Variants in ZFHX3 observed in about 807,000 individuals in gnomAD.
ZFHX3 encodes the protein zinc finger homeobox 3.
In ZFHX3, 42 loss-of-function variants were observed where a neutral mutation model predicts 279.1. The observed-to-expected ratio is 0.15, with a 90% confidence interval of 0.12 to 0.19. ZFHX3 has a LOEUF of 0.19. Ranked by LOEUF, ZFHX3 falls within the 10% of genes least tolerant of loss-of-function variation. The pLI, the probability that ZFHX3 is intolerant of heterozygous loss-of-function variation, is 1.00. For synonymous variants in ZFHX3, 2,293 were observed against 1,957.8 expected (o/e 1.17, Z -4.52); for missense variants, 4,981 against 4,754.0 (o/e 1.05, Z -1.40).
chr16:73,262,988 A>G (rs1285149003), intron 4 of ZFHX3, among the ~76,000 whole-genome samples: 1 of 152,126 alleles, frequency 6.6e-6, no homozygotes, highest in Non-Finnish European at 1.5e-5. Context: ...CAGGCTACAG[A>G]AACCCACCGA....
intron 2 of ZFHX3, among the ~76,000 whole-genome samples, chr16:73,602,397 G>A (rs1325599304): frequency 3.9e-5 from 6 of 152,128 alleles, no homozygotes; most frequent in Non-Finnish European, 5.9e-5. Context: ...GTAGGTGCAA[G>A]GAAGCAACGT....
At chr16:73,573,634 TATG>T (rs2051764778) in intron 2 of ZFHX3, among the ~76,000 whole-genome samples, 1 of 152,230 alleles carries the variant, frequency 6.6e-6, no homozygotes, top group African/African-American at 2.4e-5. Context: ...AGGTTAACTT[TATG>T]ATGATGATTT....
intron 3 of ZFHX3, among the ~76,000 whole-genome samples, chr16:72,917,529 C>T (rs866633722): frequency 6.6e-6 from 1 of 152,192 alleles, no homozygotes; most frequent in African/African-American, 2.4e-5. Flanking sequence ...AATTGCAGCA[C>T]CTTCATACCA....
intron 3 of ZFHX3, among the ~76,000 whole-genome samples, chr16:73,376,463 A>C (rs544827009): frequency 6.6e-6 from 1 of 152,326 alleles, no homozygotes; most frequent in South Asian, 2.1e-4. Flanking sequence ...CTACTTGCTG[A>C]ACTTTAATTC....
At chr16:73,284,946 T>G (rs909229156) in intron 4 of ZFHX3, among the ~76,000 whole-genome samples, 2 of 152,152 alleles carry the variant, frequency 1.3e-5, no homozygotes, top group African/African-American at 4.8e-5. Context: ...GCTCAATGGA[T>G]CCTCCTGTCT....
intron 3 of ZFHX3, among the ~76,000 whole-genome samples, chr16:73,338,253 G>T (rs116821062): frequency 1.3e-5 from 2 of 151,970 alleles, no homozygotes; most frequent in Non-Finnish European, 2.9e-5. Context: ...AGCCCCTAAG[G>T]AGTCTTGTCA....
At chr16:73,042,399 G>A (rs972036099) in intron 1 of ZFHX3, among the ~76,000 whole-genome samples, 3 of 152,142 alleles carry the variant, frequency 2.0e-5, no homozygotes, top group African/African-American at 7.2e-5. Context: ...CAGCCTAACC[G>A]ATACACTCAG....
At chr16:72,915,197 C>T (rs1284844374) in intron 3 of ZFHX3, among the ~76,000 whole-genome samples, 1 of 152,188 alleles carries the variant, frequency 6.6e-6, no homozygotes, top group Non-Finnish European at 1.5e-5. Flanking sequence ...TATTTCTCCT[C>T]CATTTAACCC....
intron 3 of ZFHX3, among the ~76,000 whole-genome samples, chr16:73,439,932 A>AAAAAAAAAAAAAAAAC (rs2018060045): frequency 9.3e-6 from 1 of 107,824 alleles, no homozygotes; most frequent in African/African-American, 4.2e-5. Context: ...AAAAAAAAAA[A>AAAAAAAAAAAAAAAAC]CACAAAAAAA....
intron 2 of ZFHX3, among the ~76,000 whole-genome samples, chr16:73,466,127 C>T (rs1385037018): frequency 6.6e-6 from 1 of 152,044 alleles, no homozygotes; most frequent in Non-Finnish European, 1.5e-5. Flanking sequence ...AATTATAGCT[C>T]TACAAAGCAG....
At chr16:73,755,189 A>C (rs2053797262) in intron 1 of ZFHX3, among the ~76,000 whole-genome samples, 1 of 152,114 alleles carries the variant, frequency 6.6e-6, no homozygotes, top group South Asian at 2.1e-4. Context: ...AATCTCTAAC[A>C]TCTCCTTTTA....
chr16:72,936,031 G>A (rs552357000), intron 3 of ZFHX3, among the ~76,000 whole-genome samples: 53 of 152,328 alleles, frequency 3.5e-4, no homozygotes, highest in African/African-American at 1.3e-3. Context: ...AGCAGCACGT[G>A]GGAATTTTCA....
chr16:73,307,621 C>T (rs2015212641), intron 4 of ZFHX3, among the ~76,000 whole-genome samples: 1 of 152,202 alleles, frequency 6.6e-6, no homozygotes, highest in Non-Finnish European at 1.5e-5. Flanking sequence ...GGCTCATTCT[C>T]AAGAGGAACC....
At chr16:73,206,098 G>A (rs1391252357) in intron 5 of ZFHX3, among the ~76,000 whole-genome samples, 2 of 152,158 alleles carry the variant, frequency 1.3e-5, no homozygotes, top group Non-Finnish European at 2.9e-5. Context: ...ATAGAGATGC[G>A]ATTGACTACA....
intron 1 of ZFHX3, among the ~76,000 whole-genome samples, chr16:73,772,430 G>C (rs1289517550): frequency 1.3e-5 from 2 of 152,118 alleles, no homozygotes; most frequent in African/African-American, 4.8e-5. Context: ...GAACAGCATG[G>C]GAAAGGCCTG....
intron 3 of ZFHX3, among the ~76,000 whole-genome samples, chr16:73,390,458 G>C (rs913177301): frequency 1.3e-5 from 2 of 152,116 alleles, no homozygotes; most frequent in African/African-American, 2.4e-5. Context: ...TCTGAAGCTG[G>C]ATATGCCAAG....
At chr16:73,868,270 C>G (rs183594270) in intron 1 of ZFHX3, among the ~76,000 whole-genome samples, 57 of 152,348 alleles carry the variant, frequency 3.7e-4, no homozygotes, top group African/African-American at 1.2e-3. Context: ...CGCCTGTAAT[C>G]CCAGCAGTTT....
intron 3 of ZFHX3, among the ~76,000 whole-genome samples, chr16:72,909,050 G>A (rs754087740): frequency 1.1e-4 from 16 of 152,138 alleles, no homozygotes; most frequent in Non-Finnish European, 2.4e-4. Context: ...ATGAAACCAG[G>A]GCCATTGCAT....
intron 3 of ZFHX3, among the ~76,000 whole-genome samples, chr16:73,325,130 G>T (rs1030909426): frequency 6.6e-6 from 1 of 152,170 alleles, no homozygotes; most frequent in Non-Finnish European, 1.5e-5. Flanking sequence ...AGAACACAGG[G>T]GGCCCTGGAG....
Sources: gnomAD v4.1 joint callset for allele counts (sites outside exome capture counted in the v4.1 genomes callset) on GRCh38, gnomAD v4.1.1 for gene constraint, MANE v1.5 for transcripts, NCBI Gene and HGNC (gene_info 2026-07-23, HGNC 2026-07-21) for gene names.